Variants in EML4 observed in about 807,000 individuals in gnomAD.
The protein encoded by EML4 is echinoderm microtubule-associated protein-like 4.
In EML4, 72 loss-of-function variants were observed where a neutral mutation model predicts 129.0. That is an observed-to-expected ratio of 0.56 (90% CI 0.46 to 0.68). EML4 has a LOEUF of 0.68. EML4 is among the 30% of genes least tolerant of loss of function. The probability of loss-of-function intolerance (pLI) is 0.00; values close to 1 mark genes in which losing one functional copy is unlikely to be tolerated. For synonymous variants in EML4, 532 were observed against 405.0 expected, an observed-to-expected ratio of 1.31 and a Z score of -3.77; for missense variants, 1,363 against 1,190.6, an observed-to-expected ratio of 1.14 and a Z score of -2.13.
rs2103680551 is a variant in EML4 at position 42,295,453 on chromosome 2, G to T, written c.1426G>T (p.Gly476Cys). The T allele has an allele frequency of 1.9e-6, 3 of 1,613,850 alleles. No homozygotes were observed. The highest frequency in any genetic ancestry group is 2.5e-6 in the Non-Finnish European group (3 of 1,179,758). ...TGGAGATGTTCTTACTGGAGACTCAGGTGGAGTCATGCTTATATGGAGCAA... is the reference window on the plus strand; with the variant it reads ...TGGAGATGTTCTTACTGGAGACTCATGTGGAGTCATGCTTATATGGAGCAA... ...GNGDVLTGDS[G>C]GVMLIWSKTT... Residue 476 changes from glycine to cysteine, a missense_variant, in exon 13 of 23, where the codon GGT becomes TGT. Transcript: ENST00000318522.
At chr2:42,296,486 T>TCTCG (rs1235607282) in intron 13 of EML4, among the ~76,000 whole-genome samples, 7 of 151,768 alleles carry the variant, frequency 4.6e-5, no homozygotes, top group African/African-American at 1.7e-4. Flanking sequence ...CTTCTCTCTC[T>TCTCG]CTCTCTCTCT....
intron 1 of EML4, among the ~76,000 whole-genome samples, chr2:42,200,179 G>C (rs1450551652): frequency 7.1e-6 from 1 of 141,638 alleles, no homozygotes; most frequent in Admixed American, 7.0e-5. Context: ...AAAAAAATTA[G>C]CTGGACATGG....
Position 42,295,241 on chromosome 2 carries a change from A to G in EML4, c.1335A>G (p.Arg445=). 6.2e-7 allele frequency: 1 copy of G among 1,613,414 alleles called. No homozygotes were observed. The highest frequency in any genetic ancestry group is 8.5e-7 in the Non-Finnish European group (1 of 1,179,826). ...FWTWSGNSLT[R]KQGIFGKYEK... ...CCTGGAGCGGCAATTCACTAACAAGAAAACAGGGAATTTTTGGGGTAAGAA... is the reference window on the plus strand; with the variant it reads ...CCTGGAGCGGCAATTCACTAACAAGGAAACAGGGAATTTTTGGGGTAAGAA... Residue 445 remains arginine (R), a synonymous_variant, in exon 12 of 23, where the codon AGA becomes AGG. Coordinates refer to ENST00000318522, the MANE Select transcript of EML4 (RefSeq NM_019063.5).
rs1412098236 is a variant in EML4 at position 42,288,341 on chromosome 2, G to T, written c.1218+19G>T. On this transcript the variant is annotated intron_variant, in intron 11 of 22. Transcript: ENST00000318522. ...AATAAAGGTAAATTTTTAAAAAACC[G>T]AGTATTGTGTTTTAGAGTACGTTAC... 5 of 1,274,200 alleles carry T rather than the reference G, an allele frequency of 3.9e-6. No individual in the cohort carries two copies. The highest frequency in any genetic ancestry group is 5.7e-6 in the Non-Finnish European group (5 of 882,840). The allele number at this position is 1,274,200 out of a possible 1,614,324, so 78.9% of individuals were successfully genotyped here. A position where few individuals can be genotyped will look rare whatever the true frequency, so the allele number is the denominator to read the frequency against.
chr2:42,171,737 G>A (rs2103780141), intron 1 of EML4, among the ~76,000 whole-genome samples: 1 of 152,238 alleles, frequency 6.6e-6, no homozygotes. Context: ...GGAAGGAAAT[G>A]GTTCCTGGCA....
rs74816568 is a variant in EML4 at position 42,221,403 on chromosome 2, C to CTTTT, written c.26-24081_26-24078dup. The stretch of plus-strand genomic sequence containing the variant: ...AGCACATTGTTTACAACATGGTTTA[C>CTTTT]TTTTTTTTTTTTTTTTTTTTTTTTG... On this transcript the variant is annotated intron_variant, in intron 1 of 22. Transcript: ENST00000318522. Among the ~76,000 whole-genome samples, 38 of 108,262 alleles carry CTTTT rather than the reference C, an allele frequency of 3.5e-4. 3 individuals carry two copies. Among genetic ancestry groups the CTTTT allele is most frequent in the Non-Finnish European group, 9.4e-5 (5 of 53,218 alleles). 71.0% of individuals were successfully genotyped at this position (108,262 alleles called of 152,430 possible). A position where few individuals can be genotyped will look rare whatever the true frequency, so the allele number is the denominator to read the frequency against.
At chr2:42,250,042 C>T (rs1675663304) in intron 2 of EML4, among the ~76,000 whole-genome samples, 1 of 152,164 alleles carries the variant, frequency 6.6e-6, no homozygotes, top group East Asian at 1.9e-4. Context: ...CTCATTAGGA[C>T]CTCTTGAGGT....
In EML4 at chr2:42,245,144, G is replaced by C. The variant is rs1572618503; in HGVS notation, c.26-361G>C. 4.2e-5 allele frequency among the ~76,000 whole-genome samples: 4 copies of C among 95,522 alleles called. No individual in the cohort carries two copies. The Middle Eastern group carries it at 0.037, about 874-fold the overall frequency. 62.7% of individuals were successfully genotyped at this position (95,522 alleles called of 152,430 possible). A position where few individuals can be genotyped will look rare whatever the true frequency, so the allele number is the denominator to read the frequency against. ...GACTCTTGCTCTGTTGCCCAGACTA[G>C]AGTGCAGTGGTGCAATCTCAGCTCA... On this transcript the variant is annotated intron_variant, in intron 1 of 22. Transcript: ENST00000318522.
chr2:42,236,997 C>G (rs569258502), intron 1 of EML4, among the ~76,000 whole-genome samples: 2 of 152,174 alleles, frequency 1.3e-5, no homozygotes, highest in Non-Finnish European at 2.9e-5. Context: ...AAACCTTTGA[C>G]TAACTATAGA....
At chr2:42,200,561 C>G (rs1188331064) in intron 1 of EML4, among the ~76,000 whole-genome samples, 1 of 152,158 alleles carries the variant, frequency 6.6e-6, no homozygotes, top group Non-Finnish European at 1.5e-5. Flanking sequence ...AGATCAAAAG[C>G]TCTCTTTTTG....
At chr2:42,208,640 G>C (rs1672703177) in intron 1 of EML4, among the ~76,000 whole-genome samples, 1 of 151,660 alleles carries the variant, frequency 6.6e-6, no homozygotes, top group Non-Finnish European at 1.5e-5. Flanking sequence ...TCACCATCTT[G>C]GCCAGGCTGG....
At chr2:42,274,336 T>C (rs1371245825) in intron 6 of EML4, among the ~76,000 whole-genome samples, 1 of 152,206 alleles carries the variant, frequency 6.6e-6, no homozygotes, top group Non-Finnish European at 1.5e-5. Flanking sequence ...TTGTAAGCAA[T>C]CTAAACGTTC....
intron 1 of EML4, among the ~76,000 whole-genome samples, chr2:42,202,402 C>G (rs566322090): frequency 6.6e-6 from 1 of 151,986 alleles, no homozygotes; most frequent in East Asian, 1.9e-4. Context: ...GCCAGTAGTT[C>G]GAGACTAGCC....
intron 1 of EML4, among the ~76,000 whole-genome samples, chr2:42,197,578 CAA>C: frequency 6.8e-6 from 1 of 148,148 alleles, no homozygotes; most frequent in African/African-American, 2.5e-5. Context: ...AAAAAAAAAA[CAA>C]AATGGTGTAA....
At chr2:42,224,079 A>G (rs1411277050) in intron 1 of EML4, among the ~76,000 whole-genome samples, 2 of 152,154 alleles carry the variant, frequency 1.3e-5, no homozygotes, top group Admixed American at 6.5e-5. Flanking sequence ...TTCACATGCC[A>G]TATGAATCAC....
intron 1 of EML4, among the ~76,000 whole-genome samples, chr2:42,224,224 A>G (rs904141875): frequency 2.0e-5 from 3 of 152,024 alleles, no homozygotes; most frequent in African/African-American, 7.2e-5. Context: ...CCCAATCCCT[A>G]TAGTTTTTAG....
intron 1 of EML4, among the ~76,000 whole-genome samples, chr2:42,197,393 T>C (rs1233059926): frequency 6.6e-6 from 1 of 151,428 alleles, no homozygotes; most frequent in African/African-American, 2.4e-5. Context: ...AAAATTGATG[T>C]TGGTAAAGAA....
chr2:42,226,945 A>T (rs532649357), intron 1 of EML4, among the ~76,000 whole-genome samples: 3 of 152,254 alleles, frequency 2.0e-5, no homozygotes, highest in South Asian at 2.1e-4. Context: ...TATATATATA[A>T]ATTTTGATTA....
intron 19 of EML4, chr2:42,319,870 T>G (rs749183865): frequency 1.3e-5 from 2 of 152,228 alleles, no homozygotes; most frequent in African/African-American, 4.8e-5. Flanking sequence ...GTGACTGTTA[T>G]AGCTGCAGAA....
Sources: gnomAD v4.1 joint callset for allele counts (sites outside exome capture counted in the v4.1 genomes callset) on GRCh38, gnomAD v4.1.1 for gene constraint, MANE v1.5 for transcripts, NCBI Gene and HGNC (gene_info 2026-07-23, HGNC 2026-07-21) for gene names.